Variants in BPI observed in about 807,000 individuals in gnomAD.
BPI encodes bactericidal permeability-increasing protein.
A neutral mutation model predicts 57.6 loss-of-function variants in BPI; 48 were observed. That is an observed-to-expected ratio of 0.83 (90% CI 0.66 to 1.06). The LOEUF (loss-of-function observed/expected upper bound fraction) is 1.06, where lower values mean the gene tolerates loss of function less well. BPI is among the 50% of genes least tolerant of loss of function. BPI has a pLI of 0.00. For synonymous variants in BPI, 237 were observed against 238.2 expected, an observed-to-expected ratio of 0.99 and a Z score of 0.05; for missense variants, 651 against 609.7, an observed-to-expected ratio of 1.07 and a Z score of -0.71.
At position 38,307,628 on chromosome 20, in the gene BPI, C is replaced by A. The variant is rs1275045482; in HGVS notation, c.192C>A (p.Tyr64Ter). Residue 64 changes from tyrosine to a stop codon, truncating the protein, a stop_gained, in exon 2 of 15, where the codon TAC (tyrosine) becomes TAA (stop). Transcript: ENST00000642449. LOFTEE classifies it high-confidence loss of function. ...KELKRIKIPD[Y>*]SDSFKIKHLG... The stretch of plus-strand genomic sequence containing the variant: ...TGAAGAGGATCAAGATTCCTGACTA[C>A]TCAGACAGCTTTAAGATCAAGCATC... The A allele has an allele frequency of 6.2e-7, 1 of 1,612,386 alleles. No homozygotes were observed. The highest frequency in any genetic ancestry group is 1.7e-5 in the Admixed American group (1 of 59,716).
intron 3 of BPI, among the ~76,000 whole-genome samples, chr20:38,309,905 A>G (rs991246274): frequency 6.6e-6 from 1 of 152,110 alleles, no homozygotes; most frequent in Non-Finnish European, 1.5e-5. Flanking sequence ...GCCCGCCCTT[A>G]CAAGAACTGC....
intron 7 of BPI, among the ~76,000 whole-genome samples, chr20:38,322,197 A>G (rs1424263844): frequency 6.6e-6 from 1 of 151,940 alleles, no homozygotes; most frequent in Non-Finnish European, 1.5e-5. Context: ...TTTTTTTTCC[A>G]CAAACGTAAC....
chr20:38,325,728 G>A (rs1446689535), intron 9 of BPI, among the ~76,000 whole-genome samples: 4 of 152,158 alleles, frequency 2.6e-5, no homozygotes, highest in Admixed American at 1.3e-4. Flanking sequence ...CTCTGGTTGG[G>A]GGGAGAGGTG....
chr20:38,318,277 G>C (rs780977947), intron 5 of BPI, 136 bp from the exon 6 acceptor site: 38 of 1,176,792 alleles, frequency 3.2e-5, no homozygotes, highest in Non-Finnish European at 4.8e-5. Context: ...TGGCCAAAAA[G>C]AAAAGGGAAA....
At chr20:38,308,737 C>T (rs900682437) in intron 2 of BPI, among the ~76,000 whole-genome samples, 193 bp from the exon 3 acceptor site, 2 of 152,166 alleles carry the variant, frequency 1.3e-5, no homozygotes, top group African/African-American at 4.8e-5. Context: ...TTTTTTCTGA[C>T]TTCAAAACCT....
In BPI at chr20:38,334,377, C is replaced by A. The variant is rs2275955; in HGVS notation, c.1273-53C>A. 3 of 1,543,450 alleles carry A rather than the reference C, an allele frequency of 1.9e-6. No homozygotes were observed. The African/African-American group carries it at 4.1e-5, about 21-fold the overall frequency. ...GTGGGGTGATGAGGACTGCTGGACC[C>A]GCAAGGTTCTGGCGATGCAGGGCCA... On this transcript the variant is annotated intron_variant, in intron 12 of 14. Transcript: ENST00000642449.
intron 11 of BPI, among the ~76,000 whole-genome samples, chr20:38,328,067 C>T (rs2076722691): frequency 2.6e-5 from 4 of 152,186 alleles, no homozygotes; most frequent in African/African-American, 7.2e-5. Context: ...AACTTCTTCT[C>T]ACCCCATCCT....
intron 4 of BPI, among the ~76,000 whole-genome samples, chr20:38,311,400 T>C (rs76115116): frequency 0.011 from 1,661 of 152,344 alleles, 11 homozygotes; most frequent in Middle Eastern, 0.061. Context: ...CAAACTTCTA[T>C]GAACGCAGAG....
At chr20:38,313,784 A>G (rs2122507379) in intron 5 of BPI, among the ~76,000 whole-genome samples, 1 of 145,456 alleles carries the variant, frequency 6.9e-6, no homozygotes, top group East Asian at 2.0e-4. Flanking sequence ...GAGGTTGATG[A>G]TGGTGATGGT....
chr20:38,332,817 G>C (rs1232061716), intron 12 of BPI, among the ~76,000 whole-genome samples: 3 of 152,148 alleles, frequency 2.0e-5, no homozygotes, highest in African/African-American at 7.2e-5. Context: ...TTGATGACGA[G>C]TTGCCCCTGT....
chr20:38,326,719 T>A (rs758158015), intron 10 of BPI, among the ~76,000 whole-genome samples: 4 of 152,258 alleles, frequency 2.6e-5, no homozygotes, highest in Non-Finnish European at 4.4e-5. Context: ...TGTGTACTGT[T>A]CCAATTCATC....
intron 1 of BPI, among the ~76,000 whole-genome samples, chr20:38,305,852 T>G (rs2076594210): frequency 6.6e-6 from 1 of 152,224 alleles, no homozygotes; most frequent in African/African-American, 2.4e-5. Flanking sequence ...TACATTTCAT[T>G]GATATTATTA....
chr20:38,331,152 T>C (rs2076740620), intron 12 of BPI, 62 bp downstream of exon 12: 1 of 1,550,858 alleles, frequency 6.4e-7, no homozygotes, highest in African/African-American at 1.4e-5. Flanking sequence ...GAGGGGGACA[T>C]GTCATAGGCT....
intron 10 of BPI, 174 bp downstream of exon 10, chr20:38,326,606 TC>T: frequency 1.5e-6 from 1 of 675,608 alleles, no homozygotes; most frequent in Non-Finnish European, 2.3e-6. Context: ...AGGTATTCAT[TC>T]ACCCAGCCAT....
chr20:38,306,886 GA>G (rs541500362), intron 1 of BPI, among the ~76,000 whole-genome samples: 80 of 152,072 alleles, frequency 5.3e-4, no homozygotes, highest in African/African-American at 1.7e-3. Context: ...TAAATGATGG[GA>G]AAAAAATCAA....
intron 5 of BPI, among the ~76,000 whole-genome samples, chr20:38,315,816 C>CTTTCT (rs1224646823): frequency 1.4e-5 from 2 of 144,986 alleles, no homozygotes; most frequent in East Asian, 2.0e-4. Flanking sequence ...ACTCTTCTTC[C>CTTTCT]TTTCTTTTCT....
chr20:38,309,317 C>T (rs1038999825), intron 3 of BPI, among the ~76,000 whole-genome samples: 1 of 152,258 alleles, frequency 6.6e-6, no homozygotes, highest in Middle Eastern at 3.4e-3. Flanking sequence ...CTAAGTGGAA[C>T]CTTTAATTTA....
chr20:38,309,133 TGGAATGCCC>T, intron 3 of BPI, 75 bp downstream of exon 3: 1 of 1,598,384 alleles, frequency 6.3e-7, no homozygotes, highest in Non-Finnish European at 8.6e-7. Context: ...TCAGCGTCTC[TGGAATGCCC>T]AATTTTTGCC....
At chr20:38,323,817 G>T in intron 7 of BPI, 53 bp from the exon 8 acceptor site, 1 of 1,570,380 alleles carries the variant, frequency 6.4e-7, no homozygotes. Context: ...TGGAGATGTT[G>T]ACTTATAATT....
Sources: allele counts gnomAD v4.1 joint callset (sites outside exome capture counted in the v4.1 genomes callset), GRCh38; gene constraint gnomAD v4.1.1; transcripts MANE v1.5; gene names NCBI Gene and HGNC (gene_info 2026-07-23, HGNC 2026-07-21).